The following MOSMO variants were observed in gnomAD, a reference collection of about 807,000 sequenced individuals.
The protein encoded by MOSMO is modulator of smoothened, also known as modulator of smoothened protein.
Under a neutral mutation model 18.4 loss-of-function variants are expected in MOSMO, and 5 were observed. The ratio of observed to expected loss-of-function variants is 0.27; its 90% confidence interval spans 0.14 to 0.57. The LOEUF (loss-of-function observed/expected upper bound fraction) is 0.57, where lower values mean the gene tolerates loss of function less well. MOSMO is among the 20% of genes least tolerant of loss of function. The pLI, the probability that MOSMO is intolerant of heterozygous loss-of-function variation, is 0.92. For synonymous variants in MOSMO, 82 were observed against 82.3 expected (o/e 1.00, Z 0.02); for missense variants, 138 against 211.8 (o/e 0.65, Z 2.16).
At chr16:22,045,863 C>T (rs1437538307) in intron 1 of MOSMO, among the ~76,000 whole-genome samples, 1 of 150,600 alleles carries the variant, frequency 6.6e-6, no homozygotes, top group Non-Finnish European at 1.5e-5. Context: ...ATATTTTTTT[C>T]TTTCTTCACT....
intron 1 of MOSMO, among the ~76,000 whole-genome samples, chr16:22,063,752 A>G (rs1900697338): frequency 6.6e-6 from 1 of 152,170 alleles, no homozygotes; most frequent in African/African-American, 2.4e-5. Context: ...CCCAAAGATG[A>G]CATCTCCCTC....
Position 22,075,641 on chromosome 16 carries a change from G to C in MOSMO, c.261G>C (p.Val87=). 7.8e-6 allele frequency: 12 copies of C among 1,537,400 alleles called. No homozygotes were observed. The highest frequency in any genetic ancestry group is 9.6e-6 in the Non-Finnish European group (11 of 1,146,948). The change falls in exon 2 of 3, where the codon GTG becomes GTC. Residue 87 remains valine, a synonymous_variant. Coordinates refer to ENST00000542527, the MANE Select transcript of MOSMO (RefSeq NM_001164579.2). ...TGACTGTCACATGTGGTTTGCTGGT[G>C]GCTTCCCACTGGCGAAGAGAAGCTA... ...ISLTVTCGLL[V]ASHWRREATK... is the part of the protein sequence containing the mutation.
chr16:22,032,266 T>C (rs1900011190), intron 1 of MOSMO, among the ~76,000 whole-genome samples: 2 of 149,902 alleles, frequency 1.3e-5, no homozygotes, highest in Admixed American at 1.3e-4. Context: ...CTCGGCTCAC[T>C]GCAATCTCTG....
chr16:22,086,780 CAA>C (rs1901189764), downstream of MOSMO, among the ~76,000 whole-genome samples: 1 of 152,192 alleles, frequency 6.6e-6, no homozygotes, highest in Non-Finnish European at 1.5e-5. Context: ...CTCTTGAATG[CAA>C]AGAGTATGGC....
intron 1 of MOSMO, among the ~76,000 whole-genome samples, chr16:22,017,072 T>TA (rs1296028664): frequency 5.3e-5 from 8 of 152,206 alleles, no homozygotes; most frequent in African/African-American, 1.4e-4. Flanking sequence ...TTTTTCTAGT[T>TA]ACTAGCTTCT....
chr16:22,064,783 A>G (rs543474510), intron 1 of MOSMO, among the ~76,000 whole-genome samples: 1 of 152,292 alleles, frequency 6.6e-6, no homozygotes, highest in Admixed American at 6.5e-5. Flanking sequence ...CTACACTTAG[A>G]TAAGACAGAG....
At chr16:22,044,704 A>C (rs1900274338) in intron 1 of MOSMO, among the ~76,000 whole-genome samples, 1 of 152,106 alleles carries the variant, frequency 6.6e-6, no homozygotes, top group Admixed American at 6.5e-5. Flanking sequence ...GGTAGGGAAA[A>C]AGATAAGTAA....
chr16:22,033,452 C>T (rs568325941), intron 1 of MOSMO, among the ~76,000 whole-genome samples: 12 of 151,950 alleles, frequency 7.9e-5, no homozygotes, highest in Non-Finnish European at 1.6e-4. Flanking sequence ...CAGTGGCACG[C>T]TCTTGGCTCA....
chr16:22,047,048 G>A (rs1900322304), intron 1 of MOSMO, among the ~76,000 whole-genome samples: 1 of 151,790 alleles, frequency 6.6e-6, no homozygotes, highest in South Asian at 2.1e-4. Flanking sequence ...TTCCTTTCTG[G>A]AACTACTATC....
chr16:22,055,712 C>T (rs1900519569), intron 1 of MOSMO, among the ~76,000 whole-genome samples: 1 of 152,174 alleles, frequency 6.6e-6, no homozygotes, highest in Non-Finnish European at 1.5e-5. Context: ...CCAGAACAAT[C>T]ATCAGTCTTT....
At chr16:22,053,057 C>T (rs765002246) in intron 1 of MOSMO, among the ~76,000 whole-genome samples, 4 of 149,602 alleles carry the variant, frequency 2.7e-5, no homozygotes, top group African/African-American at 9.9e-5. Flanking sequence ...CAGGTTCAAG[C>T]GATTCTCTTG....
chr16:22,008,467 G>C (rs1899439112), intron 1 of MOSMO, 60 bp downstream of exon 1: 1 of 1,128,464 alleles, frequency 8.9e-7, no homozygotes, highest in Non-Finnish European at 1.2e-6. Flanking sequence ...CGAGAGAGGG[G>C]AGACCCGGAC....
At chr16:22,049,576 A>G (rs1377832073) in intron 1 of MOSMO, among the ~76,000 whole-genome samples, 1 of 152,168 alleles carries the variant, frequency 6.6e-6, no homozygotes, top group African/African-American at 2.4e-5. Flanking sequence ...GAAAGGTATC[A>G]CATATAAAGA....
intron 1 of MOSMO, among the ~76,000 whole-genome samples, chr16:22,049,113 AT>A (rs1166675258): frequency 1.3e-5 from 2 of 152,156 alleles, no homozygotes; most frequent in African/African-American, 4.8e-5. Context: ...ACTGGAGAGT[AT>A]TTTGTTGAGC....
At chr16:22,015,054 C>T (rs1213097802) in intron 1 of MOSMO, among the ~76,000 whole-genome samples, 2 of 152,062 alleles carry the variant, frequency 1.3e-5, no homozygotes, top group African/African-American at 4.8e-5. Flanking sequence ...CTACCATCAC[C>T]ATAGTCCATT....
In MOSMO at chr16:22,083,633, G is replaced by C. The variant is rs1437002743; in HGVS notation, c.*2753G>C. 4.4e-6 allele frequency: 2 copies of C among 453,260 alleles called. No homozygotes were observed. Among genetic ancestry groups the C allele is most frequent in the Non-Finnish European group, 8.8e-6 (2 of 226,228 alleles). 28.1% of individuals were successfully genotyped at this position (453,260 alleles called of 1,614,324 possible). On this transcript the variant is annotated 3_prime_UTR_variant, in exon 3 of 3. Transcript: ENST00000542527. ...ACTGTATATAAAACACTGTTTTATG[G>C]TGCAATCATTTGTCAAACTTTTGTC...
intron 1 of MOSMO, among the ~76,000 whole-genome samples, chr16:22,053,605 C>A (rs1030432530): frequency 2.6e-5 from 4 of 152,090 alleles, no homozygotes; most frequent in Non-Finnish European, 5.9e-5. Context: ...GAGTTCGAGA[C>A]CAGCCTGGCC....
At position 22,071,724 on chromosome 16, in the gene MOSMO, T is replaced by C. The variant is rs536948100; in HGVS notation, c.107-3763T>C. Among the ~76,000 whole-genome samples the C allele has an allele frequency of 3.9e-5, 6 of 152,292 alleles. No homozygotes were observed. The South Asian group carries it at 1.2e-3, about 32-fold the overall frequency. Reference sequence around the variant, plus strand: ...TTTTTCCTATTGTGTACAAGTCTTTTATTTGGCTGGGTTAGTTACCTAGGA... The same window carrying C: ...TTTTTCCTATTGTGTACAAGTCTTTCATTTGGCTGGGTTAGTTACCTAGGA... On this transcript the variant is annotated intron_variant, in intron 1 of 2. Coordinates refer to ENST00000542527, the MANE Select transcript of MOSMO (RefSeq NM_001164579.2).
chr16:22,009,760 A>G (rs1899480269), intron 1 of MOSMO, among the ~76,000 whole-genome samples: 1 of 147,400 alleles, frequency 6.8e-6, no homozygotes, highest in Non-Finnish European at 1.5e-5. Context: ...GGATTTCGAA[A>G]CTAGCCTGAC....
Sources: gnomAD v4.1 joint callset for allele counts (sites outside exome capture counted in the v4.1 genomes callset) on GRCh38, gnomAD v4.1.1 for gene constraint, MANE v1.5 for transcripts, NCBI Gene and HGNC (gene_info 2026-07-23, HGNC 2026-07-21) for gene names.